The following GNA14 variants were observed in gnomAD, a reference collection of about 807,000 sequenced individuals.
The protein encoded by GNA14 is guanine nucleotide-binding protein subunit alpha-14.
A neutral mutation model predicts 42.0 loss-of-function variants in GNA14; 50 were observed. The ratio of observed to expected loss-of-function variants is 1.19; its 90% confidence interval spans 0.95 to 1.51. The LOEUF (loss-of-function observed/expected upper bound fraction) is 1.51, where lower values mean the gene tolerates loss of function less well. GNA14 is among the 40% of genes most tolerant of loss of function. The probability of loss-of-function intolerance (pLI) is 0.00; values close to 1 mark genes in which losing one functional copy is unlikely to be tolerated. For synonymous variants in GNA14, 173 were observed against 163.1 expected (o/e 1.06, Z -0.46); for missense variants, 473 against 446.2 (o/e 1.06, Z -0.54).
chr9:77,493,026 A>AAAAATAT (rs1554691641), intron 2 of GNA14, among the ~76,000 whole-genome samples: 7 of 51,706 alleles, frequency 1.4e-4, no homozygotes, highest in African/African-American at 7.9e-4. Context: ...AAAAAAAAAA[A>AAAAATAT]ATATATATAT....
chr9:77,443,500 A>C (rs1835768295), intron 2 of GNA14, among the ~76,000 whole-genome samples: 1 of 152,222 alleles, frequency 6.6e-6, no homozygotes, highest in Non-Finnish European at 1.5e-5. Flanking sequence ...CCACACACTC[A>C]GAATAGAAGG....
rs148284376 is a variant in GNA14 at position 77,584,799 on chromosome 9, G to C, written c.125-55546C>G. 8.8e-3 allele frequency among the ~76,000 whole-genome samples: 1,336 copies of C among 152,040 alleles called. 7 individuals carry two copies. The highest frequency in any genetic ancestry group is 0.014 in the Non-Finnish European group (965 of 67,966). On this transcript the variant is annotated intron_variant, in intron 1 of 6. Coordinates refer to ENST00000341700, the MANE Select transcript of GNA14 (RefSeq NM_004297.4). ...TTGCCAATTTTTATGGTTATTTCTT[G>C]ATTATATACTAAATAAGGGGTGAGT...
chr9:77,533,550 C>T (rs553310015), intron 1 of GNA14, among the ~76,000 whole-genome samples: 2 of 152,298 alleles, frequency 1.3e-5, no homozygotes, highest in South Asian at 2.1e-4. Flanking sequence ...ATAAAATCAG[C>T]GGCAAGCTTC....
chr9:77,481,303 T>G (rs956933375), intron 2 of GNA14, among the ~76,000 whole-genome samples: 7 of 152,246 alleles, frequency 4.6e-5, no homozygotes, highest in African/African-American at 1.7e-4. Context: ...CATTTTGTTA[T>G]GTATCCAGTA....
chr9:77,582,023 C>T (rs1348340153), intron 1 of GNA14, among the ~76,000 whole-genome samples: 1 of 152,246 alleles, frequency 6.6e-6, no homozygotes, highest in Non-Finnish European at 1.5e-5. Flanking sequence ...AGCTCATAAA[C>T]ACCCTGGGCT....
At chr9:77,481,933 C>A (rs1836559713) in intron 2 of GNA14, among the ~76,000 whole-genome samples, 1 of 151,738 alleles carries the variant, frequency 6.6e-6, no homozygotes, top group Admixed American at 6.6e-5. Flanking sequence ...TTTTTTGAGC[C>A]TATGTATGTC....
chr9:77,424,025 T>G lies in GNA14; in HGVS notation c.1022A>C (p.Lys341Thr). Residue 341 changes from lysine (K) to threonine (T), a missense_variant, in exon 7 of 7, where the codon AAA becomes ACA. By Grantham distance (78) the Lys-to-Thr change is moderately conservative. Coordinates refer to ENST00000341700, the MANE Select transcript of GNA14 (RefSeq NM_004297.4). ...TAGGTTTAGCTGTAGAATTGTGTCT[T>G]TGACAGCAGCAAACACAAAGCGAAT... ...DNIRFVFAAV[K>T]DTILQLNLRE... 1 of 1,610,718 alleles carries G rather than the reference T, an allele frequency of 6.2e-7. No individual in the cohort carries two copies.
At chr9:77,512,079 C>A (rs1837180599) in intron 2 of GNA14, among the ~76,000 whole-genome samples, 2 of 152,034 alleles carry the variant, frequency 1.3e-5, no homozygotes, top group African/African-American at 4.8e-5. Flanking sequence ...TGCTTGGCCC[C>A]CACTGTCCCC....
chr9:77,647,303 A>G (rs1824372555), intron 1 of GNA14, among the ~76,000 whole-genome samples: 1 of 152,200 alleles, frequency 6.6e-6, no homozygotes, highest in Admixed American at 6.5e-5. Flanking sequence ...GCTAGCGCTG[A>G]ACCCAAGATG....
intron 1 of GNA14, among the ~76,000 whole-genome samples, chr9:77,582,353 C>T (rs1017733784): frequency 2.0e-5 from 3 of 152,160 alleles, no homozygotes; most frequent in African/African-American, 7.2e-5. Flanking sequence ...TCATCCCTAT[C>T]CTCTACAACT....
At chr9:77,509,012 G>A (rs896036382) in intron 2 of GNA14, among the ~76,000 whole-genome samples, 3 of 151,986 alleles carry the variant, frequency 2.0e-5, no homozygotes, top group Admixed American at 6.6e-5. Flanking sequence ...ATACATTCAC[G>A]TTGTCATGCA....
intron 2 of GNA14, among the ~76,000 whole-genome samples, chr9:77,490,239 C>T (rs1406576619): frequency 1.3e-5 from 2 of 152,234 alleles, no homozygotes; most frequent in Non-Finnish European, 2.9e-5. Flanking sequence ...ACACAGGGTG[C>T]TGATTGCTGT....
At chr9:77,502,968 C>G in intron 2 of GNA14, among the ~76,000 whole-genome samples, 1 of 152,240 alleles carries the variant, frequency 6.6e-6, no homozygotes, top group East Asian at 1.9e-4. Context: ...TGTTTCCAGT[C>G]ACTGGCATCT....
chr9:77,425,218 G>A (rs1329178350), intron 6 of GNA14, among the ~76,000 whole-genome samples: 2 of 152,122 alleles, frequency 1.3e-5, no homozygotes, highest in Non-Finnish European at 1.5e-5. Flanking sequence ...GGCTGCTGAG[G>A]GAGCAGAAAG....
intron 5 of GNA14, among the ~76,000 whole-genome samples, chr9:77,428,433 T>G (rs1835490430): frequency 6.6e-6 from 1 of 152,084 alleles, no homozygotes; most frequent in African/African-American, 2.4e-5. Flanking sequence ...CCACCAAGGA[T>G]GAGAACCTAG....
intron 1 of GNA14, among the ~76,000 whole-genome samples, chr9:77,606,193 TA>T (rs1460940604): frequency 6.6e-6 from 1 of 152,186 alleles, no homozygotes; most frequent in Non-Finnish European, 1.5e-5. Context: ...TATCAGCAAT[TA>T]AAAGTTATTG....
rs769909279 is a variant in GNA14, at chr9:77,495,365, T to C, written c.309+33704A>G. Among the ~76,000 whole-genome samples, 25 of 152,240 alleles carry C rather than the reference T, an allele frequency of 1.6e-4. 1 individual carries two copies. Among genetic ancestry groups the C allele is most frequent in the Non-Finnish European group, 2.9e-5 (2 of 68,016 alleles). ...TATAGAGTTGGTGCTGGGAGTTTCT[T>C]CTTGGCTAATTAGCCCTCTTAGCCA... On this transcript the variant is annotated intron_variant, in intron 2 of 6. Coordinates refer to ENST00000341700, the MANE Select transcript of GNA14 (RefSeq NM_004297.4).
intron 2 of GNA14, among the ~76,000 whole-genome samples, chr9:77,468,474 T>C (rs1248030683): frequency 6.6e-6 from 1 of 152,170 alleles, no homozygotes; most frequent in African/African-American, 2.4e-5. Context: ...AAAACATCCT[T>C]CAAGATCTGA....
At chr9:77,508,406 C>T (rs1350931213) in intron 2 of GNA14, among the ~76,000 whole-genome samples, 2 of 152,128 alleles carry the variant, frequency 1.3e-5, no homozygotes, top group African/African-American at 2.4e-5. Context: ...GAAATATGGA[C>T]TGTGATGAGG....
Sources: allele counts gnomAD v4.1 joint callset (sites outside exome capture counted in the v4.1 genomes callset), GRCh38; gene constraint gnomAD v4.1.1; transcripts MANE v1.5; gene names NCBI Gene and HGNC (gene_info 2026-07-23, HGNC 2026-07-21).